RBM46: variants seen among roughly 807,000 people sequenced by gnomAD.
RBM46 encodes probable RNA-binding protein 46.
In RBM46, 12 loss-of-function variants were observed where a neutral mutation model predicts 43.3. The observed-to-expected ratio is 0.28, with a 90% CI of 0.18 to 0.45. The LOEUF (loss-of-function observed/expected upper bound fraction) is 0.45. Among genes scored for constraint, RBM46 ranks in the 20% least tolerant of loss-of-function variants. The pLI, the probability that RBM46 is intolerant of heterozygous loss-of-function variation, is 1.00. For synonymous variants in RBM46, 205 were observed against 207.6 expected, an observed-to-expected ratio of 0.99 and a Z score of 0.11; for missense variants, 412 against 639.1, an observed-to-expected ratio of 0.64 and a Z score of 3.83.
At chr4:154,802,887 CAT>C (rs542587558) in intron 4 of RBM46, among the ~76,000 whole-genome samples, 7 of 152,182 alleles carry the variant, frequency 4.6e-5, no homozygotes, top group South Asian at 4.1e-4. Flanking sequence ...CTTTTACTAT[CAT>C]ATGTGATATA....
In RBM46 at chr4:154,801,801, G is replaced by A. The variant is rs111994367; in HGVS notation, c.1402+2237G>A. Reference sequence around the variant, plus strand: ...AGCTTTTAACTCCCTTATTACCATAGTTAACTATATAGCATAGTTAAACCG... The same window carrying A: ...AGCTTTTAACTCCCTTATTACCATAATTAACTATATAGCATAGTTAAACCG... On this transcript the variant is annotated intron_variant, in intron 4 of 4. Transcript: ENST00000281722. Among the ~76,000 whole-genome samples, 1,264 of 152,226 alleles carry A rather than the reference G, an allele frequency of 8.3e-3. 16 individuals carry two copies. The highest frequency in any genetic ancestry group is 0.027 in the African/African-American group (1,129 of 41,542).
intron 1 of RBM46, among the ~76,000 whole-genome samples, chr4:154,794,213 C>G (rs890715954): frequency 7.4e-6 from 1 of 134,572 alleles, no homozygotes; most frequent in Non-Finnish European, 1.5e-5. Context: ...TGGATTCTCA[C>G]TCTTTGGCCC....
At chr4:154,789,124 G>A (rs895766648) in intron 1 of RBM46, among the ~76,000 whole-genome samples, 14 of 152,172 alleles carry the variant, frequency 9.2e-5, no homozygotes, top group Non-Finnish European at 1.8e-4. Context: ...TCTGCAAACA[G>A]GGACAATTTG....
At chr4:154,813,923 A>G (rs1248614802) in intron 4 of RBM46, among the ~76,000 whole-genome samples, 1 of 152,030 alleles carries the variant, frequency 6.6e-6, no homozygotes, top group Non-Finnish European at 1.5e-5. Context: ...CATTTACTTT[A>G]AAATTTATAT....
At chr4:154,823,892 C>G (rs1380553706) in intron 4 of RBM46, among the ~76,000 whole-genome samples, 1 of 151,980 alleles carries the variant, frequency 6.6e-6, no homozygotes, top group Non-Finnish European at 1.5e-5. Flanking sequence ...GACACACCAC[C>G]AGAATCTTTC....
chr4:154,785,758 AAG>A (rs1733728530), intron 1 of RBM46, among the ~76,000 whole-genome samples: 1 of 152,168 alleles, frequency 6.6e-6, no homozygotes, highest in South Asian at 2.1e-4. Context: ...TAAATTATTG[AAG>A]AGAGTTCAGA....
intron 4 of RBM46, among the ~76,000 whole-genome samples, chr4:154,821,426 G>A (rs166682): frequency 0.57 from 86,596 of 151,342 alleles, 27,268 homozygotes; most frequent in African/African-American, 0.82. Flanking sequence ...AAGCCTACCT[G>A]GATTGCTGCA....
chr4:154,787,713 TG>T (rs1733852195), intron 1 of RBM46, among the ~76,000 whole-genome samples: 1 of 152,188 alleles, frequency 6.6e-6, no homozygotes, highest in Admixed American at 6.5e-5. Flanking sequence ...ATGGGATGGC[TG>T]GGTCAAATGG....
rs550239490 is a variant in RBM46, at chr4:154,813,445, G to A, written c.1402+13881G>A. Among the ~76,000 whole-genome samples, 7 of 151,992 alleles carry A rather than the reference G, an allele frequency of 4.6e-5. 1 individual carries two copies. The highest frequency in any genetic ancestry group is 1.7e-4 in the African/African-American group (7 of 41,490). On this transcript the variant is annotated intron_variant, in intron 4 of 4. Transcript: ENST00000281722. ...ATATATGTATATAAATTTGTATAGT[G>A]GAATAGGAGATTAAGGTTGTAATTG... is the stretch of plus-strand genomic sequence containing the variant.
chr4:154,818,741 A>G (rs764275773), intron 4 of RBM46, among the ~76,000 whole-genome samples: 7 of 152,028 alleles, frequency 4.6e-5, no homozygotes, highest in African/African-American at 9.7e-5. Flanking sequence ...TAACCTGTGT[A>G]TTGATTATAT....
chr4:154,788,812 T>C (rs1025927437), intron 1 of RBM46, among the ~76,000 whole-genome samples: 8 of 152,360 alleles, frequency 5.3e-5, no homozygotes, highest in African/African-American at 1.9e-4. Context: ...TTCCTATCCA[T>C]GAGCATGGAA....
intron 4 of RBM46, among the ~76,000 whole-genome samples, chr4:154,811,694 T>TGTGTGTGTGG (rs1735186993): frequency 6.7e-6 from 1 of 150,132 alleles, no homozygotes; most frequent in Non-Finnish European, 1.5e-5. Context: ...TGTGTGTGTG[T>TGTGTGTGTGG]GTGTGTGACA....
intron 4 of RBM46, chr4:154,820,543 T>C (rs1735676117): frequency 1.9e-6 from 1 of 529,318 alleles, no homozygotes; most frequent in Non-Finnish European, 3.1e-6. Context: ...GTATTTTTTA[T>C]AATAGCCTTG....
intron 4 of RBM46, among the ~76,000 whole-genome samples, chr4:154,812,379 A>C (rs1187113226): frequency 2.0e-5 from 3 of 152,166 alleles, no homozygotes; most frequent in African/African-American, 7.2e-5. Context: ...CTGAGTTAGA[A>C]AAATCTTGTA....
chr4:154,827,653 T>G (rs957323629), intron 4 of RBM46: 7 of 1,358,884 alleles, frequency 5.2e-6, no homozygotes, highest in Non-Finnish European at 6.6e-6. Flanking sequence ...TCTGAAACAT[T>G]GCGTGAGTAA....
intron 4 of RBM46, among the ~76,000 whole-genome samples, chr4:154,814,092 C>A (rs1435121426): frequency 6.6e-6 from 1 of 151,820 alleles, no homozygotes; most frequent in Non-Finnish European, 1.5e-5. Context: ...AAATTAGGAG[C>A]CTACTTAGAT....
At chr4:154,815,114 T>C (rs1453836297) in intron 4 of RBM46, among the ~76,000 whole-genome samples, 2 of 152,122 alleles carry the variant, frequency 1.3e-5, no homozygotes, top group Non-Finnish European at 2.9e-5. Flanking sequence ...TGGCTTCTTT[T>C]AACATTATGT....
Position 154,827,932 on chromosome 4 carries a change from G to A in RBM46, c.1467G>A (p.Gly489=). The A allele has an allele frequency of 1.2e-6, 2 of 1,613,836 alleles. No homozygotes were observed. The highest frequency in any genetic ancestry group is 1.7e-6 in the Non-Finnish European group (2 of 1,179,856). The change falls in exon 5 of 5, where the codon GGG becomes GGA. Residue 489 remains glycine (G), a synonymous_variant. Coordinates refer to ENST00000281722, the MANE Select transcript of RBM46 (RefSeq NM_144979.5). The part of the protein sequence containing the change: ...LSPVSATLSS[G]TPSVLPYTSR... ...CTGTTAGTGCTACCCTCTCTTCTGG[G>A]ACTCCCAGCGTGCTTCCTTATACTT...
At chr4:154,804,035 T>C (rs1031976972) in intron 4 of RBM46, among the ~76,000 whole-genome samples, 1 of 152,230 alleles carries the variant, frequency 6.6e-6, no homozygotes, top group Non-Finnish European at 1.5e-5. Flanking sequence ...TTGCTCCTGC[T>C]CTTGCCATGG....
Sources: gnomAD v4.1 joint callset for allele counts (sites outside exome capture counted in the v4.1 genomes callset) on GRCh38, gnomAD v4.1.1 for gene constraint, MANE v1.5 for transcripts, NCBI Gene and HGNC (gene_info 2026-07-23, HGNC 2026-07-21) for gene names.